The following ZFPM2 variants were observed in gnomAD, a reference collection of about 807,000 sequenced individuals.
The protein encoded by ZFPM2 is zinc finger protein ZFPM2.
Under a neutral mutation model 98.6 loss-of-function variants are expected in ZFPM2, and 20 were observed. The ratio of observed to expected loss-of-function variants is 0.20; its 90% CI spans 0.14 to 0.29. ZFPM2 has a LOEUF of 0.29. ZFPM2 is among the 10% of genes least tolerant of loss of function. ZFPM2 has a pLI of 1.00. For synonymous variants in ZFPM2, 518 were observed against 502.7 expected, an observed-to-expected ratio of 1.03 and a Z score of -0.41; for missense variants, 1,310 against 1,388.6, an observed-to-expected ratio of 0.94 and a Z score of 0.90.
intron 5 of ZFPM2, among the ~76,000 whole-genome samples, chr8:105,745,860 A>G (rs1812331156): frequency 6.6e-6 from 1 of 152,094 alleles, no homozygotes; most frequent in African/African-American, 2.4e-5. Flanking sequence ...CTGGGGTTCA[A>G]GTGATTCTCA....
chr8:105,560,125 T>C (rs1815097494), intron 3 of ZFPM2, among the ~76,000 whole-genome samples: 1 of 145,588 alleles, frequency 6.9e-6, no homozygotes, highest in Non-Finnish European at 1.5e-5. Context: ...GAGAAACTCT[T>C]GAACGCGAGA....
intron 1 of ZFPM2, among the ~76,000 whole-genome samples, chr8:105,321,021 C>T (rs567419195): frequency 1.3e-5 from 2 of 152,276 alleles, no homozygotes; most frequent in South Asian, 4.1e-4. Flanking sequence ...CAGTGATAAT[C>T]TGTGCAAATG....
chr8:105,443,503 G>A (rs1355469343), intron 2 of ZFPM2, among the ~76,000 whole-genome samples: 1 of 151,838 alleles, frequency 6.6e-6, no homozygotes, highest in Non-Finnish European at 1.5e-5. Flanking sequence ...TTTCTTAAAA[G>A]CAGCACATAC....
At position 105,801,386 on chromosome 8, in the gene ZFPM2, A is replaced by T; in HGVS notation, c.1304A>T (p.Asp435Val). ...ATGCAGACTAAAGATGCGAGCTCTG[A>T]CACAGAGCTGGACAAGTGTGAGAAA... ...KAMQTKDASS[D>V]TELDKCEKKT... is the part of the protein sequence containing the mutation. Residue 435 changes from aspartate (D) to valine (V), a missense_variant, in exon 8 of 8, where the codon GAC (aspartate) becomes GTC (valine). Asp to Val is a radical substitution (Grantham distance 152, BLOSUM62 -3). Coordinates refer to ENST00000407775, the MANE Select transcript of ZFPM2 (RefSeq NM_012082.4). 1 of 1,613,916 alleles carries T rather than the reference A, an allele frequency of 6.2e-7. No homozygotes were observed. Among genetic ancestry groups the T allele is most frequent in the Non-Finnish European group, 8.5e-7 (1 of 1,179,856 alleles).
At chr8:105,618,543 T>A (rs193000818) in intron 4 of ZFPM2, among the ~76,000 whole-genome samples, 1 of 152,296 alleles carries the variant, frequency 6.6e-6, no homozygotes, top group African/African-American at 2.4e-5. Context: ...GTTCTTGTTT[T>A]ACTGAGAATT....
intron 1 of ZFPM2, among the ~76,000 whole-genome samples, chr8:105,319,206 A>G (rs1811970787): frequency 6.6e-6 from 1 of 152,098 alleles, no homozygotes; most frequent in African/African-American, 2.4e-5. Flanking sequence ...GGAGCAGCCC[A>G]TGCTTGCCCC....
chr8:105,787,183 T>C (rs937844417), intron 5 of ZFPM2: 1 of 152,204 alleles, frequency 6.6e-6, no homozygotes, highest in East Asian at 1.9e-4. Flanking sequence ...ACTCACACTT[T>C]CATCGCTCCT....
At chr8:105,636,545 G>A (rs1485093790) in intron 5 of ZFPM2, among the ~76,000 whole-genome samples, 1 of 152,110 alleles carries the variant, frequency 6.6e-6, no homozygotes, top group Non-Finnish European at 1.5e-5. Flanking sequence ...AAAGGAGTAA[G>A]TAAAAAAGTT....
chr8:105,647,664 G>A (rs1817077058), intron 5 of ZFPM2, among the ~76,000 whole-genome samples: 3 of 152,070 alleles, frequency 2.0e-5, no homozygotes, highest in Admixed American at 2.0e-4. Context: ...TGCTGAGAAT[G>A]ATGATTTCCA....
chr8:105,772,047 C>A (rs1436095029), intron 5 of ZFPM2, among the ~76,000 whole-genome samples: 1 of 151,940 alleles, frequency 6.6e-6, no homozygotes, highest in East Asian at 1.9e-4. Flanking sequence ...TTATTACACA[C>A]AATCCCATGG....
At chr8:105,382,892 G>A (rs1810914874) in intron 1 of ZFPM2, among the ~76,000 whole-genome samples, 1 of 152,044 alleles carries the variant, frequency 6.6e-6, no homozygotes, top group Admixed American at 6.5e-5. Context: ...TGACGATGAT[G>A]ACGAGTGGAA....
At chr8:105,398,490 G>T (rs529081896) in intron 1 of ZFPM2, among the ~76,000 whole-genome samples, 1 of 152,042 alleles carries the variant, frequency 6.6e-6, no homozygotes, top group Admixed American at 6.6e-5. Flanking sequence ...AACCTTTTTG[G>T]CACAGGGACT....
intron 1 of ZFPM2, among the ~76,000 whole-genome samples, chr8:105,391,292 T>C (rs1473053779): frequency 6.6e-6 from 1 of 152,246 alleles, no homozygotes; most frequent in Non-Finnish European, 1.5e-5. Context: ...TATACCTTAA[T>C]GTAAAAACAG....
intron 3 of ZFPM2, among the ~76,000 whole-genome samples, chr8:105,468,558 T>C (rs1812837404): frequency 6.6e-6 from 1 of 152,110 alleles, no homozygotes; most frequent in Non-Finnish European, 1.5e-5. Flanking sequence ...CATTTCAACA[T>C]TACTCCTGTT....
intron 5 of ZFPM2, among the ~76,000 whole-genome samples, chr8:105,651,465 C>CA (rs35701061): frequency 0.56 from 77,789 of 138,334 alleles, 21,415 homozygotes; most frequent in African/African-American, 0.58. Flanking sequence ...GACTCCATCT[C>CA]AAAAAAAAAA....
At chr8:105,759,089 A>G (rs999356981) in intron 5 of ZFPM2, among the ~76,000 whole-genome samples, 5 of 152,146 alleles carry the variant, frequency 3.3e-5, no homozygotes, top group Non-Finnish European at 7.4e-5. Context: ...GCTTAGGCTC[A>G]TAGAATACCA....
chr8:105,786,506 ACAGTACATTTT>A (rs1289935151), intron 5 of ZFPM2, among the ~76,000 whole-genome samples: 1 of 152,224 alleles, frequency 6.6e-6, no homozygotes, highest in Admixed American at 6.5e-5. Flanking sequence ...TTCAAGTCCA[ACAGTACATTTT>A]CAGTCCAATT....
intron 1 of ZFPM2, among the ~76,000 whole-genome samples, chr8:105,384,183 AATCACAC>A (rs1810940922): frequency 6.6e-6 from 1 of 152,154 alleles, no homozygotes; most frequent in Non-Finnish European, 1.5e-5. Context: ...TTAGGGATGG[AATCACAC>A]ATCAGAAACA....
intron 5 of ZFPM2, among the ~76,000 whole-genome samples, chr8:105,637,111 T>C (rs1816861300): frequency 6.6e-6 from 1 of 152,158 alleles, no homozygotes; most frequent in Non-Finnish European, 1.5e-5. Flanking sequence ...ATGAAATAGA[T>C]AGTATTTTCT....
Sources: gnomAD v4.1 joint callset for allele counts (sites outside exome capture counted in the v4.1 genomes callset) on GRCh38, gnomAD v4.1.1 for gene constraint, MANE v1.5 for transcripts, NCBI Gene and HGNC (gene_info 2026-07-23, HGNC 2026-07-21) for gene names.